Variants in CELF5 observed in about 807,000 individuals in gnomAD.
The protein encoded by CELF5 is CUG-BP and ETR-3 like factor 5.
In CELF5, 6 loss-of-function variants were observed where a neutral mutation model predicts 54.9. The ratio of observed to expected loss-of-function variants is 0.11; its 90% CI spans 0.06 to 0.22. The LOEUF (loss-of-function observed/expected upper bound fraction) is 0.22. Among genes scored for constraint, CELF5 ranks in the 10% least tolerant of loss-of-function variants. CELF5 has a pLI of 1.00. For synonymous variants in CELF5, 271 were observed against 290.9 expected, an observed-to-expected ratio of 0.93 and a Z score of 0.70; for missense variants, 401 against 678.6, an observed-to-expected ratio of 0.59 and a Z score of 4.54.
chr19:3,239,394 C>T (rs1239254838), intron 1 of CELF5, among the ~76,000 whole-genome samples: 2 of 152,142 alleles, frequency 1.3e-5, no homozygotes, highest in East Asian at 1.9e-4. Flanking sequence ...CCACCATGCC[C>T]GGCTAATTGT....
chr19:3,248,813 G>A (rs913669834), intron 1 of CELF5, among the ~76,000 whole-genome samples: 2 of 151,878 alleles, frequency 1.3e-5, no homozygotes, highest in African/African-American at 4.8e-5. Context: ...TGCAGCAGCC[G>A]TACCATTTTA....
intron 2 of CELF5, among the ~76,000 whole-genome samples, chr19:3,267,287 C>A (rs2079897020): frequency 2.3e-5 from 2 of 87,206 alleles, no homozygotes; most frequent in South Asian, 4.1e-4. Context: ...AGAGGGCAAC[C>A]CCCCCGTTTC....
chr19:3,285,011 G>GCCCAGGGCCCCGCCCCCC, intron 9 of CELF5, 47 bp downstream of exon 9: 2 of 1,408,554 alleles, frequency 1.4e-6, no homozygotes, highest in South Asian at 1.2e-5. Flanking sequence ...CCCCGCCCCC[G>GCCCAGGGCCCCGCCCCCC]CCTAGGGCCC....
intron 3 of CELF5, among the ~76,000 whole-genome samples, chr19:3,274,167 G>A (rs913468763): frequency 6.6e-6 from 1 of 151,916 alleles, no homozygotes; most frequent in Non-Finnish European, 1.5e-5. Flanking sequence ...AGGATGGGGG[G>A]TCTAGCCAGG....
At chr19:3,273,132 T>C (rs989308131) in intron 2 of CELF5, among the ~76,000 whole-genome samples, 1 of 152,038 alleles carries the variant, frequency 6.6e-6, no homozygotes. Context: ...GCTACTTTGG[T>C]GTATCAGTCA....
intron 12 of CELF5, chr19:3,295,844 G>GA (rs535406788): frequency 2.8e-5 from 1 of 35,520 alleles, no homozygotes; most frequent in Non-Finnish European, 1.1e-4. Context: ...TTCCGTCGGA[G>GA]GGGGGGGGCG....
intron 8 of CELF5, chr19:3,284,637 G>T (rs2080203896): frequency 3.8e-6 from 2 of 525,730 alleles, no homozygotes; most frequent in East Asian, 6.2e-5. Flanking sequence ...TCGGGATAGG[G>T]AGAGGGAGAT....
At chr19:3,239,994 A>T (rs1032257656) in intron 1 of CELF5, among the ~76,000 whole-genome samples, 1 of 144,124 alleles carries the variant, frequency 6.9e-6, no homozygotes, top group Admixed American at 7.1e-5. Context: ...GGCATCCCCC[A>T]TCTCCTGCAA....
At chr19:3,245,435 G>C (rs904595420) in intron 1 of CELF5, among the ~76,000 whole-genome samples, 1 of 151,076 alleles carries the variant, frequency 6.6e-6, no homozygotes, top group Non-Finnish European at 1.5e-5. Flanking sequence ...TGTGTGTGTG[G>C]TGTTTCTTTC....
In CELF5 at chr19:3,285,955, C is replaced by T; in HGVS notation, c.1116C>T (p.Thr372=). 1 of 1,588,898 alleles carries T rather than the reference C, an allele frequency of 6.3e-7. No individual in the cohort carries two copies. Among genetic ancestry groups the T allele is most frequent in the Non-Finnish European group, 8.5e-7 (1 of 1,173,378 alleles). Residue 372 remains threonine, a synonymous_variant, in exon 10 of 13, where the codon ACC becomes ACT. Coordinates refer to ENST00000292672, the MANE Select transcript of CELF5 (RefSeq NM_021938.4). ...CGGTCTCCGCAGCCATGTACCCCAC[C>T]GCGGCCATCACGCCCATCGCGCACA... The part of the protein sequence containing the change: ...GVQQYTAMYP[T]AAITPIAHSV...
intron 10 of CELF5, among the ~76,000 whole-genome samples, chr19:3,289,307 T>TC (rs2080302880): frequency 6.6e-6 from 1 of 152,038 alleles, no homozygotes; most frequent in South Asian, 2.1e-4. Flanking sequence ...TGTAATCCCA[T>TC]CACCTTGGGA....
intron 1 of CELF5, among the ~76,000 whole-genome samples, chr19:3,247,844 C>T (rs1216007362): frequency 6.6e-6 from 1 of 152,000 alleles, no homozygotes; most frequent in Non-Finnish European, 1.5e-5. Context: ...TCATTGCAAA[C>T]TCTGCCGCCC....
At chr19:3,245,589 C>A (rs543073450) in intron 1 of CELF5, among the ~76,000 whole-genome samples, 2 of 149,680 alleles carry the variant, frequency 1.3e-5, no homozygotes, top group East Asian at 3.9e-4. Context: ...AAAAAAGGAA[C>A]CTAGGAAGAA....
chr19:3,279,030 C>T (rs115323031), intron 5 of CELF5, among the ~76,000 whole-genome samples: 97 of 152,160 alleles, frequency 6.4e-4, no homozygotes, highest in African/African-American at 2.3e-3. Context: ...CAGGCCAGGT[C>T]GGTTGCAAAT....
chr19:3,282,403 C>T lies in CELF5; in HGVS notation c.944C>T (p.Ala315Val), dbSNP rs1218282055. 1 of 1,612,554 alleles carries T rather than the reference C, an allele frequency of 6.2e-7. No homozygotes were observed. ...ACCACCGCTGTGCCTGGCCTCGTGGCTCCCATCACCAATGGCTTTGCAGGT... is the reference window on the plus strand; with the variant it reads ...ACCACCGCTGTGCCTGGCCTCGTGGTTCCCATCACCAATGGCTTTGCAGGT... The part of the protein sequence containing the change: ...LGTTAVPGLV[A>V]PITNGFAGVV... The change falls in exon 8 of 13, where the codon GCT (alanine) becomes GTT (valine). Residue 315 changes from alanine to valine, a missense_variant. Ala to Val is a moderately conservative substitution (Grantham distance 64, BLOSUM62 0). This residue lies in a region of CELF5 where 143 missense variants were observed against 147.6 expected (regional missense o/e 0.97). Coordinates refer to ENST00000292672, the MANE Select transcript of CELF5 (RefSeq NM_021938.4). The surrounding 1 kb of genome is among the most constrained non-coding windows in gnomAD (Gnocchi z 5.2).
At chr19:3,263,358 G>A (rs890532424) in intron 2 of CELF5, among the ~76,000 whole-genome samples, 4 of 150,562 alleles carry the variant, frequency 2.7e-5, no homozygotes, top group Non-Finnish European at 4.4e-5. Context: ...TCAGGAGATC[G>A]AGACCAGGCT....
chr19:3,237,842 GATC>G (rs2079437905), intron 1 of CELF5, among the ~76,000 whole-genome samples: 1 of 151,876 alleles, frequency 6.6e-6, no homozygotes, highest in African/African-American at 2.4e-5. Flanking sequence ...GAGGTCAGGA[GATC>G]GAGACCATCC....
chr19:3,243,675 G>C (rs2079523298), intron 1 of CELF5, among the ~76,000 whole-genome samples: 2 of 152,094 alleles, frequency 1.3e-5, no homozygotes, highest in African/African-American at 2.4e-5. Flanking sequence ...CAGACACGGT[G>C]GCTTAAACAA....
chr19:3,263,708 C>T (rs934899291), intron 2 of CELF5, among the ~76,000 whole-genome samples: 15 of 152,180 alleles, frequency 9.9e-5, no homozygotes, highest in Non-Finnish European at 1.9e-4. Context: ...AGTTCAAGAC[C>T]AGCCTGGCCA....
Sources: gnomAD v4.1 joint callset for allele counts (sites outside exome capture counted in the v4.1 genomes callset) on GRCh38, gnomAD v4.1.1 for gene constraint, gnomAD v4.1.1 regional missense constraint, Gnocchi (gnomAD v3.1) non-coding constraint, MANE v1.5 for transcripts, NCBI Gene and HGNC (gene_info 2026-07-23, HGNC 2026-07-21) for gene names.